VPS13A: variants seen among roughly 807,000 people sequenced by gnomAD.
VPS13A encodes the protein intermembrane lipid transfer protein VPS13A.
Under a neutral mutation model 390.9 loss-of-function variants are expected in VPS13A, and 264 were observed. That is an observed-to-expected ratio of 0.68 (90% CI 0.61 to 0.75). The LOEUF (loss-of-function observed/expected upper bound fraction) is 0.75. VPS13A is among the 30% of genes least tolerant of loss of function. The probability of loss-of-function intolerance (pLI) is 0.00; values close to 1 mark genes in which losing one functional copy is unlikely to be tolerated. For missense variants in VPS13A, 3,409 were observed against 3,733.9 expected (o/e 0.91, Z 2.27); for synonymous variants, 1,231 against 1,227.1 (o/e 1.00, Z -0.07).
At chr9:77,304,554 C>T (rs966941742) in intron 34 of VPS13A, among the ~76,000 whole-genome samples, 1 of 151,862 alleles carries the variant, frequency 6.6e-6, no homozygotes, top group East Asian at 1.9e-4. Flanking sequence ...TTTGGTGTCA[C>T]CAGCATATAG....
At position 77,207,246 on chromosome 9, in the gene VPS13A, TA is replaced by T. The variant is rs1564630447; in HGVS notation, c.385+1168del. ...ATATATATATATATATATATATATA[TA>T]TATATAAAACGTGTTATATGTAACA... On this transcript the variant is annotated intron_variant, in intron 5 of 71. Coordinates refer to ENST00000360280, the MANE Select transcript of VPS13A (RefSeq NM_033305.3). Among the ~76,000 whole-genome samples the T allele has an allele frequency of 5.2e-3, 624 of 118,932 alleles. 28 individuals are homozygous for T. Among genetic ancestry groups the T allele is most frequent in the Middle Eastern group, 0.013 (3 of 228 alleles). 78.0% of individuals were successfully genotyped at this position (118,932 alleles called of 152,430 possible). A position where few individuals can be genotyped will look rare whatever the true frequency, so the allele number is the denominator to read the frequency against.
intron 68 of VPS13A, among the ~76,000 whole-genome samples, chr9:77,388,825 C>T (rs1275503138): frequency 6.6e-6 from 1 of 152,106 alleles, no homozygotes; most frequent in African/African-American, 2.4e-5. Context: ...CTGTTAACTA[C>T]ATTATGTCTA....
chr9:77,243,964 G>A (rs1313515995), intron 19 of VPS13A, among the ~76,000 whole-genome samples: 1 of 152,140 alleles, frequency 6.6e-6, no homozygotes, highest in East Asian at 1.9e-4. Flanking sequence ...GAGGCCAAGC[G>A]CCATGGCTCA....
intron 1 of VPS13A, among the ~76,000 whole-genome samples, chr9:77,186,914 A>G (rs1466054072): frequency 1.3e-5 from 2 of 152,188 alleles, no homozygotes; most frequent in African/African-American, 4.8e-5. Context: ...CCCAGACCCC[A>G]GTAACCGTTA....
intron 1 of VPS13A, among the ~76,000 whole-genome samples, chr9:77,180,467 A>G (rs1453029397): frequency 6.6e-6 from 1 of 152,236 alleles, no homozygotes; most frequent in Non-Finnish European, 1.5e-5. Context: ...TTTATAAAAC[A>G]TTTCTTTTAT....
At chr9:77,260,970 C>G (rs1240495958) in intron 23 of VPS13A, among the ~76,000 whole-genome samples, 1 of 151,938 alleles carries the variant, frequency 6.6e-6, no homozygotes, top group East Asian at 2.0e-4. Flanking sequence ...GCAATCTCGG[C>G]TCACTGCAAC....
chr9:77,391,378 C>T (rs955191641), intron 68 of VPS13A, among the ~76,000 whole-genome samples: 13 of 152,230 alleles, frequency 8.5e-5, no homozygotes, highest in Admixed American at 5.2e-4. Context: ...ATTCACTTGC[C>T]GAATGAAAGT....
chr9:77,203,264 T>C (rs943785533), intron 3 of VPS13A, among the ~76,000 whole-genome samples: 1 of 152,166 alleles, frequency 6.6e-6, no homozygotes, highest in Non-Finnish European at 1.5e-5. Context: ...GTCTACATTT[T>C]ATAAGGGAAG....
Position 77,308,112 on chromosome 9 carries a change from T to C in VPS13A, c.4114+14T>C. The C allele has an allele frequency of 6.2e-7, 1 of 1,613,406 alleles. No individual in the cohort carries two copies. The highest frequency in any genetic ancestry group is 8.5e-7 in the Non-Finnish European group (1 of 1,179,494). The stretch of plus-strand genomic sequence containing the variant: ...ACCATTCAGGAGGTATGTTTTTAAC[T>C]TCAAATTTCTTTCTGCTTTCCTCTT... On this transcript the variant is annotated intron_variant, in intron 35 of 71. Coordinates refer to ENST00000360280, the MANE Select transcript of VPS13A (RefSeq NM_033305.3).
rs551012766 is a variant in VPS13A, at chr9:77,407,897, A to AAATT, written c.9474+296_9474+299dup. Among the ~76,000 whole-genome samples the AAATT allele has an allele frequency of 0.012, 1,848 of 152,274 alleles. 49 individuals are homozygous for AAATT. Among genetic ancestry groups the AAATT allele is most frequent in the African/African-American group, 0.042 (1,737 of 41,542 alleles). On this transcript the variant is annotated intron_variant, in intron 71 of 71. Coordinates refer to ENST00000360280, the MANE Select transcript of VPS13A (RefSeq NM_033305.3). ...TTTTAATAAAAAAGTCAACAAACAA[A>AAATT]AATTAATTATTTTGTTTTAGTGTTA...
chr9:77,357,622 G>A (rs1207504911), intron 55 of VPS13A, 70 bp from the exon 56 acceptor site: 2 of 1,515,406 alleles, frequency 1.3e-6, no homozygotes, highest in East Asian at 4.8e-5. Context: ...AAAAGTTTTT[G>A]GCATTAATTT....
At chr9:77,368,201 T>C (rs1030495424) in intron 62 of VPS13A, 65 bp downstream of exon 62, 3 of 1,306,534 alleles carry the variant, frequency 2.3e-6, no homozygotes, top group African/African-American at 1.5e-5. Flanking sequence ...TTTGTGTCTA[T>C]ACATATATAA....
Position 77,302,784 on chromosome 9 carries a change from A to G in VPS13A, c.3813-131A>G, listed in dbSNP as rs938437974. The G allele has an allele frequency of 4.1e-6, 4 of 976,484 alleles. No homozygotes were observed. The African/African-American group carries it at 6.6e-5, about 16-fold the overall frequency. 60.5% of individuals were successfully genotyped at this position (976,484 alleles called of 1,614,324 possible). A position where few individuals can be genotyped will look rare whatever the true frequency, so the allele number is the denominator to read the frequency against. On this transcript the variant is annotated intron_variant, in intron 33 of 71. Coordinates refer to ENST00000360280, the MANE Select transcript of VPS13A (RefSeq NM_033305.3). ...CAGATAAAAAAAAAGTCTGATAGAT[A>G]TTTTCCCTTTATACCCAACAAATTA...
chr9:77,315,196 T>G, intron 37 of VPS13A, 57 bp from the exon 38 acceptor site: 3 of 1,474,668 alleles, frequency 2.0e-6, no homozygotes, highest in South Asian at 2.3e-5. Context: ...TTTACTCATA[T>G]GTTTGATTAC....
chr9:77,321,463 T>A (rs1410335690), intron 43 of VPS13A, 28 bp from the exon 44 acceptor site: 1 of 1,612,428 alleles, frequency 6.2e-7, no homozygotes, highest in Admixed American at 1.7e-5. Context: ...CACATTTCAT[T>A]TTATTTAGCA....
intron 19 of VPS13A, among the ~76,000 whole-genome samples, chr9:77,245,955 T>C (rs1824782168): frequency 6.6e-6 from 1 of 152,148 alleles, no homozygotes; most frequent in Admixed American, 6.5e-5. Context: ...AGAGATTACA[T>C]GGCAAGAGAA....
At position 77,405,260 on chromosome 9, in the gene VPS13A, C is replaced by T. The variant is rs375073495; in HGVS notation, c.9276-604C>T. On this transcript the variant is annotated intron_variant, in intron 69 of 71. Transcript: ENST00000360280. ...CCTGTGAACATCCTGAGGCCCTCAG[C>T]ATGATGATTCTGTTCAACATGGTTA... Among the ~76,000 whole-genome samples, 9 of 152,124 alleles carry T rather than the reference C, an allele frequency of 5.9e-5. No individual in the cohort carries two copies. In the South Asian group the frequency reaches 1.9e-3, roughly 32 times the overall value.
At chr9:77,325,659 T>C (rs1040732022) in intron 45 of VPS13A, among the ~76,000 whole-genome samples, 1 of 152,020 alleles carries the variant, frequency 6.6e-6, no homozygotes, top group Non-Finnish European at 1.5e-5. Context: ...TCCTTGTCTT[T>C]TTGTTGTTGT....
intron 1 of VPS13A, among the ~76,000 whole-genome samples, chr9:77,179,940 T>G (rs1384390275): frequency 6.6e-6 from 1 of 152,196 alleles, no homozygotes; most frequent in African/African-American, 2.4e-5. Flanking sequence ...TCTGGACATT[T>G]CATTTAAATG....
Sources: gnomAD v4.1 joint callset for allele counts (sites outside exome capture counted in the v4.1 genomes callset) on GRCh38, gnomAD v4.1.1 for gene constraint, MANE v1.5 for transcripts, NCBI Gene and HGNC (gene_info 2026-07-23, HGNC 2026-07-21) for gene names.